SNX27: variants seen among roughly 807,000 people sequenced by gnomAD.
SNX27 encodes sorting nexin-27.
Under a neutral mutation model 71.6 loss-of-function variants are expected in SNX27, and 22 were observed. The observed-to-expected ratio is 0.31, with a 90% CI of 0.22 to 0.44. The LOEUF (loss-of-function observed/expected upper bound fraction) is 0.44, where lower values mean the gene tolerates loss of function less well. Ranked by LOEUF, SNX27 falls within the 20% of genes least tolerant of loss-of-function variation. SNX27 has a pLI of 1.00. For synonymous variants in SNX27, 269 were observed against 277.2 expected, an observed-to-expected ratio of 0.97 and a Z score of 0.29; for missense variants, 531 against 698.6, an observed-to-expected ratio of 0.76 and a Z score of 2.70.
intron 2 of SNX27, among the ~76,000 whole-genome samples, chr1:151,650,343 T>C (rs1208939213): frequency 6.6e-6 from 1 of 152,196 alleles, no homozygotes; most frequent in Non-Finnish European, 1.5e-5. Flanking sequence ...ATTTTCTCCT[T>C]ATCTTTAGTT....
At chr1:151,668,833 A>G (rs1670331321) in intron 7 of SNX27, among the ~76,000 whole-genome samples, 198 bp downstream of exon 7, 1 of 152,212 alleles carries the variant, frequency 6.6e-6, no homozygotes, top group African/African-American at 2.4e-5. Flanking sequence ...TGGAGTTTAA[A>G]AATACGTATT....
At chr1:151,658,119 T>G (rs1669784199) in intron 2 of SNX27, 116 bp from the exon 3 acceptor site, 1 of 889,792 alleles carries the variant, frequency 1.1e-6, no homozygotes, top group Non-Finnish European at 1.7e-6. Context: ...TTGAATATAG[T>G]CTTTGTTAAA....
chr1:151,673,999 G>A (rs538664501), intron 7 of SNX27, among the ~76,000 whole-genome samples: 1 of 152,022 alleles, frequency 6.6e-6, no homozygotes, highest in Admixed American at 6.5e-5. Flanking sequence ...TTCAGCCACT[G>A]TATGTCTGTT....
intron 1 of SNX27, chr1:151,615,819 A>G: frequency 1.0e-6 from 1 of 985,126 alleles, no homozygotes; most frequent in South Asian, 4.7e-5. Context: ...GAAAGAACAG[A>G]GTAACTTTGA....
intron 7 of SNX27, among the ~76,000 whole-genome samples, chr1:151,670,902 A>G (rs1717128): frequency 0.56 from 84,412 of 152,004 alleles, 25,012 homozygotes; most frequent in Non-Finnish European, 0.68. Context: ...TTCTTGTAGT[A>G]GTTTCATAGC....
At chr1:151,621,045 T>C (rs764887360) in intron 1 of SNX27, among the ~76,000 whole-genome samples, 2 of 152,134 alleles carry the variant, frequency 1.3e-5, no homozygotes, top group African/African-American at 2.4e-5. Flanking sequence ...TGTTGGGAGC[T>C]GAGTGGACTG....
intron 8 of SNX27, among the ~76,000 whole-genome samples, chr1:151,690,867 C>G (rs1269227599): frequency 6.6e-6 from 1 of 152,174 alleles, no homozygotes; most frequent in Non-Finnish European, 1.5e-5. Context: ...CTTAAAGTAG[C>G]TTGCGCAAGG....
chr1:151,633,073 C>T (rs1034981703), intron 1 of SNX27, among the ~76,000 whole-genome samples: 3 of 151,938 alleles, frequency 2.0e-5, no homozygotes, highest in East Asian at 3.9e-4. Flanking sequence ...GGGGTTTCAC[C>T]GTGTTAGCCA....
At chr1:151,620,436 G>A (rs984314638) in intron 1 of SNX27, among the ~76,000 whole-genome samples, 15 of 152,200 alleles carry the variant, frequency 9.9e-5, no homozygotes. Flanking sequence ...ACTATATAAA[G>A]AAGGGAACTA....
At chr1:151,621,837 C>G (rs959287189) in intron 1 of SNX27, among the ~76,000 whole-genome samples, 11 of 152,168 alleles carry the variant, frequency 7.2e-5, no homozygotes, top group Non-Finnish European at 1.6e-4. Flanking sequence ...GAAACTTTTT[C>G]TACTTATTTT....
In SNX27 at chr1:151,612,087, C is replaced by A; in HGVS notation, c.-115C>A. On this transcript the variant is annotated 5_prime_UTR_variant, in exon 1 of 12. Transcript: ENST00000458013. The surrounding 1 kb of genome is among the most constrained non-coding windows in gnomAD (Gnocchi z 5.2). ...CAGCTCGGTGGCCGAGTCGGTCCCG[C>A]GGCCGGCGGATCGGGCGCGCGCGTC... is the stretch of plus-strand genomic sequence containing the variant. 8.6e-7 allele frequency: 1 copy of A among 1,163,506 alleles called. No individual in the cohort carries two copies. Among genetic ancestry groups the A allele is most frequent in the Non-Finnish European group, 1.1e-6 (1 of 906,904 alleles). 72.1% of individuals were successfully genotyped at this position (1,163,506 alleles called of 1,614,324 possible). A position where few individuals can be genotyped will look rare whatever the true frequency, so the allele number is the denominator to read the frequency against.
intron 7 of SNX27, among the ~76,000 whole-genome samples, chr1:151,671,929 A>G (rs138541699): frequency 0.015 from 2,337 of 152,324 alleles, 54 homozygotes; most frequent in African/African-American, 0.052. Flanking sequence ...TTCCAAGTAT[A>G]AGATCATATC....
chr1:151,672,919 A>G (rs1362653298), intron 7 of SNX27, among the ~76,000 whole-genome samples: 3 of 151,626 alleles, frequency 2.0e-5, no homozygotes, highest in Non-Finnish European at 4.4e-5. Context: ...TTTTCAAAAA[A>G]ACCAACTTTT....
At chr1:151,678,690 A>ATC (rs1411070762) in intron 7 of SNX27, 1 of 149,258 alleles carries the variant, frequency 6.7e-6, no homozygotes, top group Non-Finnish European at 1.5e-5. Flanking sequence ...TGACTGCACC[A>ATC]TCTCAAATGA....
chr1:151,688,735 T>C (rs1671306101), intron 8 of SNX27, among the ~76,000 whole-genome samples: 1 of 152,088 alleles, frequency 6.6e-6, no homozygotes, highest in Admixed American at 6.5e-5. Flanking sequence ...ATTTGTTACA[T>C]AGATAAACTG....
intron 1 of SNX27, 164 bp from the exon 2 acceptor site, chr1:151,638,724 C>T (rs1668583567): frequency 3.0e-6 from 2 of 662,598 alleles, no homozygotes; most frequent in Middle Eastern, 4.1e-4. Context: ...AAGTTTTTCA[C>T]ATTAGAAACT....
At chr1:151,685,011 G>T (rs762304209) in intron 8 of SNX27, among the ~76,000 whole-genome samples, 18 of 152,070 alleles carry the variant, frequency 1.2e-4, no homozygotes, top group Admixed American at 7.9e-4. Context: ...GTTTCACCAT[G>T]TTGGCCAGGC....
In SNX27 at chr1:151,694,378, C is replaced by T; in HGVS notation, c.1587C>T (p.Phe529=). The T allele has an allele frequency of 6.5e-7, 1 of 1,549,692 alleles. No individual in the cohort carries two copies. The highest frequency in any genetic ancestry group is 2.4e-5 in the East Asian group (1 of 40,874). The change falls in exon 12 of 12, where the codon TTC becomes TTT. Residue 529 remains phenylalanine (F), a synonymous_variant. Transcript: ENST00000458013. Reference sequence around the variant, plus strand: ...TTTTTTTTTCCTTTCAGAACATTTTCCAGATGGCGAGGTCACAGCAGAGAG... The same window carrying T: ...TTTTTTTTTCCTTTCAGAACATTTTTCAGATGGCGAGGTCACAGCAGAGAG... The part of the protein sequence containing the change: ...CELKWRKENI[F]QMARSQQRDV...
Position 151,693,673 on chromosome 1 carries a change from T to C in SNX27, c.1578+190T>C, listed in dbSNP as rs1242595830. 9 of 1,612,000 alleles carry C rather than the reference T, an allele frequency of 5.6e-6. No individual in the cohort carries two copies. In the East Asian group the frequency reaches 2.0e-4, roughly 36 times the overall value. On this transcript the variant is annotated intron_variant, in intron 11 of 11. Transcript: ENST00000458013. The stretch of plus-strand genomic sequence containing the variant: ...GTTGGCCTCTGGATGGTGAACGGGC[T>C]GTGCAAAAAAGCCCTGCTTCTTCCC...
Sources: gnomAD v4.1 joint callset for allele counts (sites outside exome capture counted in the v4.1 genomes callset) on GRCh38, gnomAD v4.1.1 for gene constraint, Gnocchi (gnomAD v3.1) non-coding constraint, MANE v1.5 for transcripts, NCBI Gene and HGNC (gene_info 2026-07-23, HGNC 2026-07-21) for gene names.